The following OTUD7A variants were observed in gnomAD, a reference collection of about 807,000 sequenced individuals.
The protein encoded by OTUD7A is OTU deubiquitinase 7A, also known as OTU domain-containing protein 7A.
Under a neutral mutation model 65.7 loss-of-function variants are expected in OTUD7A, and 12 were observed. That is an observed-to-expected ratio of 0.18 (90% CI 0.12 to 0.30). OTUD7A has a LOEUF of 0.30. Ranked by LOEUF, OTUD7A falls within the 10% of genes least tolerant of loss-of-function variation. OTUD7A has a pLI of 1.00. For missense variants in OTUD7A, 1,148 were observed against 1,304.8 expected (o/e 0.88, Z 1.85); for synonymous variants, 641 against 586.3 (o/e 1.09, Z -1.35).
At chr15:31,497,586 A>G (rs1416071085) in intron 10 of OTUD7A, among the ~76,000 whole-genome samples, 2 of 152,120 alleles carry the variant, frequency 1.3e-5, no homozygotes, top group Non-Finnish European at 2.9e-5. Context: ...ATAGCCACAG[A>G]TGGCATTGAC....
Position 31,479,424 on chromosome 15 carries a change from G to A in OTUD7A, c.*3870C>T, listed in dbSNP as rs2041079240. 1 of 152,152 alleles carries A rather than the reference G, an allele frequency of 6.6e-6. No individual in the cohort carries two copies. 9.4% of individuals were successfully genotyped at this position (152,152 alleles called of 1,614,324 possible). ...GGAGAAAAAAAATCATGGCCATAAA[G>A]AAAGGAGCCCCAAACATACAGTAGA... On this transcript the variant is annotated 3_prime_UTR_variant, in exon 13 of 13. Transcript: ENST00000307050.
chr15:31,759,472 C>T (rs1334692325), intron 1 of OTUD7A, among the ~76,000 whole-genome samples: 1 of 152,248 alleles, frequency 6.6e-6, no homozygotes, highest in African/African-American at 2.4e-5. Flanking sequence ...TTTCCTCCTT[C>T]TGAGTCCTGC....
chr15:31,642,877 C>T (rs1487533274), intron 3 of OTUD7A, among the ~76,000 whole-genome samples: 1 of 152,032 alleles, frequency 6.6e-6, no homozygotes, highest in African/African-American at 2.4e-5. Context: ...TTTACTATTT[C>T]ACTGTTTTTT....
chr15:31,600,879 G>C (rs980453323), intron 3 of OTUD7A, among the ~76,000 whole-genome samples: 1 of 152,200 alleles, frequency 6.6e-6, no homozygotes, highest in Admixed American at 6.5e-5. Context: ...TTACATAGTG[G>C]TAAAGTGATC....
chr15:31,709,983 C>T (rs1239974018), intron 1 of OTUD7A, among the ~76,000 whole-genome samples: 1 of 150,524 alleles, frequency 6.6e-6, no homozygotes, highest in Non-Finnish European at 1.5e-5. Flanking sequence ...TATAAATAGT[C>T]ATGTTTGTGT....
chr15:31,695,118 T>C (rs183884769), intron 1 of OTUD7A, among the ~76,000 whole-genome samples: 198 of 152,292 alleles, frequency 1.3e-3, no homozygotes, highest in African/African-American at 4.5e-3. Context: ...GTGCTGGGAT[T>C]ACAGGCGTGA....
intron 2 of OTUD7A, among the ~76,000 whole-genome samples, chr15:31,655,775 C>A (rs1263202149): frequency 6.6e-6 from 1 of 152,150 alleles, no homozygotes; most frequent in East Asian, 1.9e-4. Flanking sequence ...TTATTAATTC[C>A]AATAACTGAT....
rs1338108304 is a variant in OTUD7A at position 31,751,614 on chromosome 15, G to A, written c.-99-94537C>T. 4.6e-5 allele frequency among the ~76,000 whole-genome samples: 7 copies of A among 152,210 alleles called. No individual in the cohort carries two copies. In the East Asian group the frequency reaches 7.7e-4, roughly 17 times the overall value. The stretch of plus-strand genomic sequence containing the variant: ...TACTACCCAAAAGATACAAGCATAC[G>A]TATATTCATTGTAGCACTATTCACA... On this transcript the variant is annotated intron_variant, in intron 1 of 12. Transcript: ENST00000307050.
At chr15:31,833,778 C>T (rs1010701553) in intron 1 of OTUD7A, among the ~76,000 whole-genome samples, 6 of 152,200 alleles carry the variant, frequency 3.9e-5, no homozygotes, top group Non-Finnish European at 7.3e-5. Context: ...TAGATCATTA[C>T]AAACAAGATT....
intron 1 of OTUD7A, among the ~76,000 whole-genome samples, chr15:31,701,458 T>C (rs1893212153): frequency 6.6e-6 from 1 of 151,874 alleles, no homozygotes; most frequent in South Asian, 2.1e-4. Flanking sequence ...AAATGATCAA[T>C]ATCTGGAATG....
intron 8 of OTUD7A, among the ~76,000 whole-genome samples, chr15:31,505,415 G>T (rs536074821): frequency 6.6e-6 from 1 of 152,222 alleles, no homozygotes; most frequent in African/African-American, 2.4e-5. Flanking sequence ...TTTTATTATG[G>T]CTAGCAGATA....
At chr15:31,716,288 ATAT>A (rs1893582117) in intron 1 of OTUD7A, among the ~76,000 whole-genome samples, 1 of 8,680 alleles carries the variant, frequency 1.2e-4, no homozygotes, top group African/African-American at 1.4e-4. Context: ...TACATACTAC[ATAT>A]TATGTATTAT....
At chr15:31,592,905 A>G (rs1889780751) in intron 3 of OTUD7A, among the ~76,000 whole-genome samples, 2 of 32,244 alleles carry the variant, frequency 6.2e-5, no homozygotes, top group Admixed American at 6.4e-4. Context: ...AAAAAAAAAA[A>G]TATATATATA....
At chr15:31,766,350 G>A (rs1489861587) in intron 1 of OTUD7A, 2 of 1,593,240 alleles carry the variant, frequency 1.3e-6, no homozygotes, top group African/African-American at 2.7e-5. Context: ...ATGATTTGGT[G>A]GGGGAAATAA....
chr15:31,633,854 C>G (rs1325261182), intron 3 of OTUD7A, among the ~76,000 whole-genome samples: 2 of 152,228 alleles, frequency 1.3e-5, no homozygotes, highest in Non-Finnish European at 2.9e-5. Context: ...CACACAGGTC[C>G]TGACGGCTCC....
intron 1 of OTUD7A, among the ~76,000 whole-genome samples, chr15:31,848,141 C>T (rs113015391): frequency 6.8e-4 from 104 of 152,336 alleles, no homozygotes; most frequent in African/African-American, 2.4e-3. Context: ...TTCAGTGAGG[C>T]AGGCTCATGG....
chr15:31,744,008 GATTA>G (rs1481778940), intron 1 of OTUD7A, among the ~76,000 whole-genome samples: 1 of 152,144 alleles, frequency 6.6e-6, no homozygotes, highest in Non-Finnish European at 1.5e-5. Flanking sequence ...TAGACATTTA[GATTA>G]ATTAGACAAA....
chr15:31,542,930 T>G (rs1268084832), intron 5 of OTUD7A, among the ~76,000 whole-genome samples: 4 of 151,880 alleles, frequency 2.6e-5, no homozygotes, highest in Admixed American at 2.0e-4. Context: ...AAAGACATTT[T>G]AAGACTAACA....
intron 3 of OTUD7A, among the ~76,000 whole-genome samples, chr15:31,624,953 G>A (rs1890906286): frequency 6.6e-6 from 1 of 152,174 alleles, no homozygotes; most frequent in Non-Finnish European, 1.5e-5. Context: ...TTGTACTAGG[G>A]TTAGTCTGTA....
Sources: gnomAD v4.1 joint callset for allele counts (sites outside exome capture counted in the v4.1 genomes callset) on GRCh38, gnomAD v4.1.1 for gene constraint, MANE v1.5 for transcripts, NCBI Gene and HGNC (gene_info 2026-07-23, HGNC 2026-07-21) for gene names.